Variants in TUBB8B observed in about 807,000 individuals in gnomAD.
TUBB8B encodes tubulin beta 8B, also known as HSA18p11 beta-tubulin 4Q pseudogene.
Under a neutral mutation model 31.9 loss-of-function variants are expected in TUBB8B, and 26 were observed. That is an observed-to-expected ratio of 0.81 (90% CI 0.60 to 1.13). The LOEUF is 1.13. TUBB8B is among the 50% of genes most tolerant of loss of function. The probability of loss-of-function intolerance (pLI) is 0.00; values close to 1 mark genes in which losing one functional copy is unlikely to be tolerated. For missense variants in TUBB8B, 467 were observed against 586.7 expected (o/e 0.80, Z 2.11); for synonymous variants, 173 against 231.0 (o/e 0.75, Z 2.28).
chr18:59,875 G>T, the TUBB8B span, among the ~76,000 whole-genome samples: 1 of 151,676 alleles, frequency 6.6e-6, no homozygotes, highest in Non-Finnish European at 1.5e-5. Context: ...ATATCACATT[G>T]ACTGATTTGC....
chr18:60,506 TTTG>T, the TUBB8B span, among the ~76,000 whole-genome samples: 1 of 151,702 alleles, frequency 6.6e-6, no homozygotes, highest in Non-Finnish European at 1.5e-5. Context: ...AATTTTGAGT[TTTG>T]TTTGGCCTTT....
the TUBB8B span, among the ~76,000 whole-genome samples, chr18:60,877 T>A: frequency 6.6e-6 from 1 of 151,724 alleles, no homozygotes; most frequent in African/African-American, 2.4e-5. Context: ...ACATAATATA[T>A]GGTCTATCCT....
the TUBB8B span, among the ~76,000 whole-genome samples, chr18:70,135 G>C: frequency 6.6e-6 from 1 of 152,150 alleles, no homozygotes; most frequent in African/African-American, 2.4e-5. Context: ...ACTCCAGCTT[G>C]GGAGACAGAG....
the TUBB8B span, among the ~76,000 whole-genome samples, chr18:69,961 G>A: frequency 2.6e-5 from 4 of 151,658 alleles, no homozygotes; most frequent in African/African-American, 4.8e-5. Context: ...GTTTGAGAAC[G>A]GCATGGCCAA....
At chr18:50,478 C>T (rs71356677), upstream of TUBB8B, 7,425 of 152,434 alleles carry the variant, frequency 0.049, 5 homozygotes, top group African/African-American at 0.11. Flanking sequence ...AATTGCTGGC[C>T]GTTTGGGTCA....
chr18:60,013 G>A, the TUBB8B span, among the ~76,000 whole-genome samples: 1 of 151,574 alleles, frequency 6.6e-6, no homozygotes, highest in Non-Finnish European at 1.5e-5. Context: ...TCAAATATGG[G>A]CCCGTAGTTT....
upstream of TUBB8B, among the ~76,000 whole-genome samples, chr18:52,942 C>T (rs1013581489): frequency 7.9e-5 from 12 of 151,652 alleles, no homozygotes; most frequent in Admixed American, 1.3e-4. Flanking sequence ...CGGGGCTATT[C>T]GTTTTAACAA....
In TUBB8B at chr18:48,727, C is replaced by G. The variant is rs957743933; in HGVS notation, c.277+213G>C. On this transcript the variant is annotated intron_variant, in intron 3 of 3. Transcript: ENST00000308911. ...GTAGCCACGGCCCCAGCTCAGCTCC[C>G]GGCAGGGACATCAGTAGCTCCTCAC... 1.2e-4 allele frequency: 81 copies of G among 695,832 alleles called. 6 individuals are homozygous for G. The highest frequency in any genetic ancestry group is 5.9e-4 in the East Asian group (22 of 37,134). 43.1% of individuals were successfully genotyped at this position (695,832 alleles called of 1,614,324 possible). A position where few individuals can be genotyped will look rare whatever the true frequency, so the allele number is the denominator to read the frequency against.
upstream of TUBB8B, among the ~76,000 whole-genome samples, chr18:53,008 T>C (rs1906171653): frequency 6.6e-6 from 1 of 151,742 alleles, no homozygotes; most frequent in Non-Finnish European, 1.5e-5. Context: ...TAAGAAAAAA[T>C]GCTGCACTCC....
At chr18:51,822 C>T (rs1906119355), upstream of TUBB8B, among the ~76,000 whole-genome samples, 1 of 151,912 alleles carries the variant, frequency 6.6e-6, no homozygotes, top group Non-Finnish European at 1.5e-5. Flanking sequence ...GAGTGTGAGG[C>T]CTCTCCGACC....
At chr18:71,251 C>A in the TUBB8B span, among the ~76,000 whole-genome samples, 3 of 150,232 alleles carry the variant, frequency 2.0e-5, no homozygotes, top group Admixed American at 2.0e-4. Flanking sequence ...AAAAATCAAT[C>A]AATAAAGATG....
At chr18:57,799 C>T in the TUBB8B span, among the ~76,000 whole-genome samples, 9 of 152,020 alleles carry the variant, frequency 5.9e-5, no homozygotes, top group African/African-American at 2.2e-4. Flanking sequence ...CCTGCACACC[C>T]TAGCTTTTTT....
At chr18:70,370 T>C in the TUBB8B span, among the ~76,000 whole-genome samples, 22,216 of 125,362 alleles carry the variant, frequency 0.18, no homozygotes, top group African/African-American at 0.31. Context: ...TGGTGGCTCA[T>C]GCCTGTAATC....
the TUBB8B span, among the ~76,000 whole-genome samples, chr18:68,927 C>T: frequency 6.6e-6 from 1 of 151,894 alleles, no homozygotes; most frequent in Admixed American, 6.5e-5. Flanking sequence ...CCAATGTCCA[C>T]CCTTAGCAAA....
At chr18:62,531 G>C in the TUBB8B span, among the ~76,000 whole-genome samples, 1 of 150,312 alleles carries the variant, frequency 6.7e-6, no homozygotes, top group Non-Finnish European at 1.5e-5. Flanking sequence ...CCATTCTCCT[G>C]CCTCAGCCTC....
chr18:49,071 T>C, intron 2 of TUBB8B, 21 bp from the exon 3 acceptor site: 2 of 1,564,882 alleles, frequency 1.3e-6, no homozygotes, highest in Non-Finnish European at 1.8e-6. Context: ...CGGGAGGGCA[T>C]GAGCGAGGGG....
chr18:47,547 G>A lies in TUBB8B; in HGVS notation c.1178C>T (p.Ala393Val), dbSNP rs540810211. 2.1e-3 allele frequency: 3,352 copies of A among 1,610,384 alleles called. 88 individuals carry two copies. The Admixed American group carries it at 0.052, about 25-fold the overall frequency. ...EQFTAMFRRK[A>V]FLHWYTGEGM... The stretch of plus-strand genomic sequence containing the variant: ...CTCGCCCGTGTACCAGTGGAGGAAG[G>A]CCTTGCGCCTGAACATTGCTGTAAA... Residue 393 changes from alanine (A) to valine (V), a missense_variant, in exon 4 of 4, where the codon GCC (alanine) becomes GTC (valine). Ala to Val is a moderately conservative substitution (Grantham distance 64). This residue lies in a region of TUBB8B where 208 missense variants were observed against 206.7 expected (regional missense o/e 1.01). Transcript: ENST00000308911.
chr18:73,233 G>C, the TUBB8B span: 1 of 156,350 alleles, frequency 6.4e-6, no homozygotes, highest in African/African-American at 2.4e-5. Context: ...GTGAAGCCCA[G>C]GTACAAAGAG....
chr18:59,923 C>T, the TUBB8B span, among the ~76,000 whole-genome samples: 2 of 151,690 alleles, frequency 1.3e-5, no homozygotes, highest in African/African-American at 4.8e-5. Context: ...ATAAATTCCA[C>T]TTGGTCATTA....
Sources: gnomAD v4.1 joint callset for allele counts (sites outside exome capture counted in the v4.1 genomes callset) on GRCh38, gnomAD v4.1.1 for gene constraint, gnomAD v4.1.1 regional missense constraint, MANE v1.5 for transcripts, NCBI Gene and HGNC (gene_info 2026-07-23, HGNC 2026-07-21) for gene names.